The following ABHD15 variants were observed in gnomAD, a reference collection of about 807,000 sequenced individuals.
ABHD15 encodes protein ABHD15.
A neutral mutation model predicts 34.4 loss-of-function variants in ABHD15; 34 were observed. That is an observed-to-expected ratio of 0.99 (90% confidence interval 0.75 to 1.32). The LOEUF (loss-of-function observed/expected upper bound fraction) is 1.32, where lower values mean the gene tolerates loss of function less well. Ranked by LOEUF, ABHD15 falls within the 40% of genes most tolerant of loss-of-function variation. The pLI is 0.00. For missense variants in ABHD15, 644 were observed against 650.4 expected, an observed-to-expected ratio of 0.99 and a Z score of 0.11; for synonymous variants, 314 against 299.2, an observed-to-expected ratio of 1.05 and a Z score of -0.51.
rs150324138 is a variant in ABHD15, at chr17:29,566,677, G to C, written c.290C>G (p.Pro97Arg). 152 of 1,595,956 alleles carry C rather than the reference G, an allele frequency of 9.5e-5. 1 individual carries two copies. In the East Asian group the frequency reaches 2.9e-3, roughly 31 times the overall value. ...LRRSEALEAG[P>R]RSWFSGPHLQ... ...GTGGGGCCCGGAGAACCAGGAGCGC[G>C]GGCCGGCCTCCAGCGCCTCTGAGCG... The change falls in exon 1 of 2, where the codon CCG (proline) becomes CGG (arginine). Residue 97 changes from proline to arginine, a missense_variant. Transcript: ENST00000307201.
intron 1 of ABHD15, 147 bp downstream of exon 1, chr17:29,565,939 G>A: frequency 9.2e-7 from 1 of 1,092,132 alleles, no homozygotes; most frequent in South Asian, 1.9e-5. Flanking sequence ...TAGATTACAG[G>A]GTTTGGAAGG....
At chr17:29,564,631 A>G (rs926022353) in intron 1 of ABHD15, among the ~76,000 whole-genome samples, 2 of 152,162 alleles carry the variant, frequency 1.3e-5, no homozygotes, top group Non-Finnish European at 2.9e-5. Context: ...AGGCGGGTGG[A>G]TTCCCTGAGT....
Position 29,560,696 on chromosome 17 carries a change from C to T in ABHD15, c.*1865G>A, listed in dbSNP as rs916879495. 6.6e-6 allele frequency: 1 copy of T among 151,910 alleles called. No homozygotes were observed. The highest frequency in any genetic ancestry group is 1.5e-5 in the Non-Finnish European group (1 of 68,010). 9.4% of individuals were successfully genotyped at this position (151,910 alleles called of 1,614,324 possible). On this transcript the variant is annotated 3_prime_UTR_variant, in exon 2 of 2. Transcript: ENST00000307201. Reference sequence around the variant, plus strand: ...TTGAAACACAGTCTTACTCTGTCGCCCAGGCTGGAGTGCAGTGGTGCGATC... The same window carrying T: ...TTGAAACACAGTCTTACTCTGTCGCTCAGGCTGGAGTGCAGTGGTGCGATC...
rs572637945 is a variant in ABHD15, at chr17:29,561,302, C to CA, written c.*1258dup. 1.3e-5 allele frequency: 2 copies of CA among 152,010 alleles called. No homozygotes were observed. The highest frequency in any genetic ancestry group is 2.9e-5 in the Non-Finnish European group (2 of 67,982). The allele number at this position is 152,010 out of a possible 1,614,324, so 9.4% of individuals were successfully genotyped here. A position where few individuals can be genotyped will look rare whatever the true frequency, so the allele number is the denominator to read the frequency against. ...CACATGGAAACATATGTCCTGTTGC[C>CA]AAAAAAATTTTAATTGCCTAATCCA... is the stretch of plus-strand genomic sequence containing the variant. On this transcript the variant is annotated 3_prime_UTR_variant, in exon 2 of 2. Transcript: ENST00000307201.
intron 1 of ABHD15, 57 bp downstream of exon 1, chr17:29,566,029 T>C (rs916713762): frequency 1.7e-5 from 25 of 1,502,832 alleles, no homozygotes; most frequent in Non-Finnish European, 2.2e-5. Flanking sequence ...TTTCTGATTC[T>C]TAGCCAGCTC....
chr17:29,562,163 G>A lies in ABHD15; in HGVS notation c.*398C>T, dbSNP rs530835646. ...TCATGACATCAAATGGCTCCAGCTTGAGAATCGGGGTCACTGCCCAGTGAC... is the reference window on the plus strand; with the variant it reads ...TCATGACATCAAATGGCTCCAGCTTAAGAATCGGGGTCACTGCCCAGTGAC... On this transcript the variant is annotated 3_prime_UTR_variant, in exon 2 of 2. Coordinates refer to ENST00000307201, the MANE Select transcript of ABHD15 (RefSeq NM_198147.3). 6.2e-6 allele frequency: 1 copy of A among 162,502 alleles called. No homozygotes were observed. The highest frequency in any genetic ancestry group is 5.9e-5 in the Admixed American group (1 of 16,904). 10.1% of individuals were successfully genotyped at this position (162,502 alleles called of 1,614,324 possible).
intron 1 of ABHD15, among the ~76,000 whole-genome samples, chr17:29,564,548 A>G (rs1027134752): frequency 1.3e-5 from 2 of 152,200 alleles, no homozygotes; most frequent in African/African-American, 4.8e-5. Flanking sequence ...AGCCTCAGAC[A>G]GTTGAAATTA....
rs1445924523 is a variant in ABHD15, at chr17:29,562,474, T to C, written c.*87A>G. On this transcript the variant is annotated 3_prime_UTR_variant, in exon 2 of 2. Coordinates refer to ENST00000307201, the MANE Select transcript of ABHD15 (RefSeq NM_198147.3). ...AGGAGCACAGAGCTGGAGCTCCCTCTGTTCAGTCCGCCCCATCTTTCCAGG... is the reference window on the plus strand; with the variant it reads ...AGGAGCACAGAGCTGGAGCTCCCTCCGTTCAGTCCGCCCCATCTTTCCAGG... 2 of 1,414,052 alleles carry C rather than the reference T, an allele frequency of 1.4e-6. No individual in the cohort carries two copies. Among genetic ancestry groups the C allele is most frequent in the Non-Finnish European group, 1.9e-6 (2 of 1,046,468 alleles). 87.6% of individuals were successfully genotyped at this position (1,414,052 alleles called of 1,614,324 possible). A position where few individuals can be genotyped will look rare whatever the true frequency, so the allele number is the denominator to read the frequency against.
Position 29,562,748 on chromosome 17 carries a change from A to G in ABHD15, c.1220T>C (p.Val407Ala), listed in dbSNP as rs775209223. The change falls in exon 2 of 2, where the codon GTC (valine) becomes GCC (alanine). Residue 407 changes from valine (V) to alanine (A), a missense_variant. Val to Ala is a moderately conservative substitution (Grantham distance 64). Coordinates refer to ENST00000307201, the MANE Select transcript of ABHD15 (RefSeq NM_198147.3). ...CAAGGCCCGGAAGGACTCCAAGATG[A>G]CCTCATGGCTCCAGGCTGGCAAGGG... ...QEPLPAWSHE[V>A]ILESFRALTE... 2 of 1,614,046 alleles carry G rather than the reference A, an allele frequency of 1.2e-6. No individual in the cohort carries two copies. Among genetic ancestry groups the G allele is most frequent in the South Asian group, 1.1e-5 (1 of 91,072 alleles).
Position 29,562,584 on chromosome 17 carries a change from A to G in ABHD15, c.1384T>C (p.Trp462Arg), listed in dbSNP as rs201718724. 20 of 1,613,630 alleles carry G rather than the reference A, an allele frequency of 1.2e-5. No homozygotes were observed. The highest frequency in any genetic ancestry group is 8.5e-7 in the Non-Finnish European group (1 of 1,179,890). ...SSSNLEEIFN[W>R]KRSYTR The stretch of plus-strand genomic sequence containing the variant: ...TTTCACCTTGTGTATGATCGCTTCC[A>G]GTTAAAGATCTCCTCCAGGTTGGAA... The change falls in exon 2 of 2, where the codon TGG becomes CGG. Residue 462 changes from tryptophan (W) to arginine (R), a missense_variant. Transcript: ENST00000307201.
rs2032734437 is a variant in ABHD15 at position 29,567,020 on chromosome 17, G to T, written c.-54C>A. On this transcript the variant is annotated 5_prime_UTR_variant, in exon 1 of 2. Coordinates refer to ENST00000307201, the MANE Select transcript of ABHD15 (RefSeq NM_198147.3). This position sits in a 1 kb window ranked among gnomAD's most constrained non-coding sequence, Gnocchi z 6.6. ...CGGGCGGCGGGGCCGTCTACTCGGC[G>T]AGCTCCGCGCTTTGCCCGCGGCTCC... 1.6e-6 allele frequency: 2 copies of T among 1,244,710 alleles called. No individual in the cohort carries two copies. Among genetic ancestry groups the T allele is most frequent in the Non-Finnish European group, 2.0e-6 (2 of 996,650 alleles). 77.1% of individuals were successfully genotyped at this position (1,244,710 alleles called of 1,614,324 possible). A position where few individuals can be genotyped will look rare whatever the true frequency, so the allele number is the denominator to read the frequency against.
At position 29,561,861 on chromosome 17, in the gene ABHD15, C is replaced by G. The variant is rs908949480; in HGVS notation, c.*700G>C. The G allele has an allele frequency of 6.6e-6, 1 of 152,384 alleles. No homozygotes were observed. The highest frequency in any genetic ancestry group is 1.5e-5 in the Non-Finnish European group (1 of 68,068). The allele number at this position is 152,384 out of a possible 1,614,324, so 9.4% of individuals were successfully genotyped here. On this transcript the variant is annotated 3_prime_UTR_variant, in exon 2 of 2. Coordinates refer to ENST00000307201, the MANE Select transcript of ABHD15 (RefSeq NM_198147.3). ...AGAGCGCTTCCTATTTGTAAAATAC[C>G]CTTGGGATCTCTCCAGTGAGGCTTG...
chr17:29,566,882 AGGGTCCCC>A lies in ABHD15; in HGVS notation c.77_84del (p.Arg26LeufsTer93). ...GTCCTCTCTCCGACGGCGCGCCCCC[AGGGTCCCC>A]GGAGCCGCGGGCCGAGCAGGCCGAG... On this transcript the variant is annotated frameshift_variant, in exon 1 of 2. Transcript: ENST00000307201. LOFTEE classifies it high-confidence loss of function. 1 of 1,497,186 alleles carries A rather than the reference AGGGTCCCC, an allele frequency of 6.7e-7. No homozygotes were observed. Among genetic ancestry groups the A allele is most frequent in the Non-Finnish European group, 8.8e-7 (1 of 1,132,022 alleles). The allele number at this position is 1,497,186 out of a possible 1,614,324, so 92.7% of individuals were successfully genotyped here.
In ABHD15 at chr17:29,566,558, G is replaced by A. The variant is rs779398690; in HGVS notation, c.409C>T (p.Leu137=). ...LQLADDGLVA[L]DWVVGPCVRG... ...ACACAAGGTCCTACCACCCAGTCCAGGGCCACTAGCCCATCGTCCGCCAAC... is the reference window on the plus strand; with the variant it reads ...ACACAAGGTCCTACCACCCAGTCCAAGGCCACTAGCCCATCGTCCGCCAAC... Residue 137 remains leucine, a synonymous_variant, in exon 1 of 2, where the codon CTG becomes TTG. Coordinates refer to ENST00000307201, the MANE Select transcript of ABHD15 (RefSeq NM_198147.3). The A allele has an allele frequency of 1.2e-6, 2 of 1,609,466 alleles. No individual in the cohort carries two copies. The highest frequency in any genetic ancestry group is 1.3e-5 in the African/African-American group (1 of 74,864).
chr17:29,565,321 A>G (rs867036779), intron 1 of ABHD15, among the ~76,000 whole-genome samples: 22 of 151,322 alleles, frequency 1.5e-4, no homozygotes, highest in African/African-American at 1.9e-4. Context: ...GTGTGTGTGT[A>G]TATATATATA....
chr17:29,562,699 C>T lies in ABHD15; in HGVS notation c.1269G>A (p.Glu423=), dbSNP rs1390663494. Residue 423 remains glutamate (E), a synonymous_variant, in exon 2 of 2, where the codon GAG becomes GAA. Transcript: ENST00000307201. ...RALTEFFRTE[E]RIKGLSRHRA... is the part of the protein sequence containing the mutation. ...TGTGCCTGCTCAGCCCTTTAATCCT[C>T]TCCTCCGTTCGGAAGAACTCAGTCA... 1.2e-6 allele frequency: 2 copies of T among 1,614,096 alleles called. No individual in the cohort carries two copies. The highest frequency in any genetic ancestry group is 4.5e-5 in the East Asian group (2 of 44,898).
In ABHD15 at chr17:29,562,887, GGTC is replaced by G; in HGVS notation, c.1078_1080del (p.Asp360del). The G allele has an allele frequency of 6.2e-7, 1 of 1,614,146 alleles. No individual in the cohort carries two copies. The highest frequency in any genetic ancestry group is 2.2e-5 in the East Asian group (1 of 44,884). On this transcript the variant is annotated inframe_deletion, in exon 2 of 2. Coordinates refer to ENST00000307201, the MANE Select transcript of ABHD15 (RefSeq NM_198147.3). ...GTGTGGTCTGGGGGTCCACACACGG[GGTC>G]GTCAGCACTGCAGATACACAGCACA... is the stretch of plus-strand genomic sequence containing the variant.
chr17:29,566,569 C>A lies in ABHD15; in HGVS notation c.398G>T (p.Gly133Val), dbSNP rs1354940955. 1 of 1,608,468 alleles carries A rather than the reference C, an allele frequency of 6.2e-7. No individual in the cohort carries two copies. Among genetic ancestry groups the A allele is most frequent in the South Asian group, 1.1e-5 (1 of 90,858 alleles). ...AREYLQLADD[G>V]LVALDWVVGP... is the part of the protein sequence containing the mutation. ...TACCACCCAGTCCAGGGCCACTAGC[C>A]CATCGTCCGCCAACTGCAGGTACTC... The change falls in exon 1 of 2, where the codon GGG (glycine) becomes GTG (valine). Residue 133 changes from glycine to valine, a missense_variant. By Grantham distance (109) the Gly-to-Val change is moderately radical. Transcript: ENST00000307201.
chr17:29,563,491 A>T (rs1459148996), intron 1 of ABHD15, among the ~76,000 whole-genome samples: 1 of 152,112 alleles, frequency 6.6e-6, no homozygotes, highest in African/African-American at 2.4e-5. Context: ...GGCTGCAGTG[A>T]GCTATGATTG....
Sources: gnomAD v4.1 joint callset for allele counts (sites outside exome capture counted in the v4.1 genomes callset) on GRCh38, gnomAD v4.1.1 for gene constraint, Gnocchi (gnomAD v3.1) non-coding constraint, MANE v1.5 for transcripts, NCBI Gene and HGNC (gene_info 2026-07-23, HGNC 2026-07-21) for gene names.